Variants in PLEKHA6 observed in about 807,000 individuals in gnomAD.
PLEKHA6 encodes pleckstrin homology domain-containing family A member 6.
A neutral mutation model predicts 116.7 loss-of-function variants in PLEKHA6; 60 were observed. That is an observed-to-expected ratio of 0.51 (90% CI 0.42 to 0.64). The LOEUF is 0.64. PLEKHA6 is among the 30% of genes least tolerant of loss of function. The pLI, the probability that PLEKHA6 is intolerant of heterozygous loss-of-function variation, is 0.00. For missense variants in PLEKHA6, 1,338 were observed against 1,422.7 expected (o/e 0.94, Z 0.96); for synonymous variants, 489 against 556.1 (o/e 0.88, Z 1.70).
intron 3 of PLEKHA6, among the ~76,000 whole-genome samples, chr1:204,366,335 C>T (rs572790627): frequency 4.6e-5 from 7 of 150,942 alleles, no homozygotes; most frequent in African/African-American, 1.7e-4. Context: ...AGAACAGATA[C>T]TTTGAAAGGA....
chr1:204,335,707 C>A (rs1672623551), intron 1 of PLEKHA6, among the ~76,000 whole-genome samples: 1 of 152,000 alleles, frequency 6.6e-6, no homozygotes, highest in East Asian at 1.9e-4. Context: ...TCATGTCATT[C>A]CCTCCCCTTT....
intron 1 of PLEKHA6, among the ~76,000 whole-genome samples, chr1:204,302,079 C>A (rs1572135020): frequency 1.3e-5 from 2 of 152,182 alleles, no homozygotes; most frequent in Admixed American, 6.5e-5. Flanking sequence ...GGAGTGATAA[C>A]ATCTACATGA....
At chr1:204,267,373 G>C (rs1002301724) in intron 5 of PLEKHA6, 102 bp downstream of exon 5, 2 of 926,610 alleles carry the variant, frequency 2.2e-6, no homozygotes, top group Non-Finnish European at 3.5e-6. Context: ...GATCTGCCCT[G>C]CTGGTGCCCA....
chr1:204,331,897 G>A (rs1672467019), intron 1 of PLEKHA6, among the ~76,000 whole-genome samples: 1 of 151,306 alleles, frequency 6.6e-6, no homozygotes, highest in African/African-American at 2.4e-5. Flanking sequence ...TGCCCCGAGA[G>A]GCCCCAGTGT....
At chr1:204,255,400 C>T (rs943888686) in intron 9 of PLEKHA6, among the ~76,000 whole-genome samples, 1 of 152,172 alleles carries the variant, frequency 6.6e-6, no homozygotes, top group Admixed American at 6.5e-5. Flanking sequence ...ATTAATTATT[C>T]ATGTGCCTAC....
At chr1:204,364,044 C>G (rs1360010982), upstream of PLEKHA6, among the ~76,000 whole-genome samples, 5 of 152,192 alleles carry the variant, frequency 3.3e-5, no homozygotes, top group East Asian at 9.6e-4. Context: ...AGCTTTTTGA[C>G]ACACAATTAA....
intron 1 of PLEKHA6, chr1:204,299,495 G>T: frequency 4.3e-6 from 1 of 230,364 alleles, no homozygotes; most frequent in Non-Finnish European, 7.2e-6. Flanking sequence ...AGGGAAGGTG[G>T]CAGGGGAGGA....
chr1:204,324,114 A>G (rs4951360), intron 1 of PLEKHA6, among the ~76,000 whole-genome samples: 111,603 of 151,894 alleles, frequency 0.73, 41,516 homozygotes, highest in Middle Eastern at 0.8. Context: ...GCTATGATGA[A>G]GTGCAGTAAA....
intron 18 of PLEKHA6, 53 bp from the exon 19 acceptor site, chr1:204,229,157 G>A: frequency 2.5e-6 from 4 of 1,570,100 alleles, no homozygotes; most frequent in Admixed American, 1.7e-5. Context: ...CCTCCAGGCA[G>A]CTCTAGCTAT....
intron 9 of PLEKHA6, among the ~76,000 whole-genome samples, chr1:204,256,413 A>G (rs1665294993): frequency 6.6e-6 from 1 of 152,188 alleles, no homozygotes. Flanking sequence ...GTGGCATTCC[A>G]GGCAAAGGAC....
At chr1:204,296,680 C>A (rs537103932) in intron 1 of PLEKHA6, among the ~76,000 whole-genome samples, 1 of 152,232 alleles carries the variant, frequency 6.6e-6, no homozygotes, top group African/African-American at 2.4e-5. Flanking sequence ...CAGAAATAGT[C>A]CAGCTCCTGA....
chr1:204,377,898 T>A (rs556644814), upstream of PLEKHA6: 1 of 152,116 alleles, frequency 6.6e-6, no homozygotes, highest in Non-Finnish European at 1.5e-5. Context: ...CGCTTAACCC[T>A]GGCCGGCCGG....
At chr1:204,328,891 T>A (rs1672347633) in intron 1 of PLEKHA6, among the ~76,000 whole-genome samples, 1 of 152,234 alleles carries the variant, frequency 6.6e-6, no homozygotes, top group South Asian at 2.1e-4. Flanking sequence ...CTTATAAGGC[T>A]GGATAGAAAC....
In PLEKHA6 at chr1:204,273,655, C is replaced by T. The variant is rs767333174; in HGVS notation, c.73G>A (p.Glu25Lys). Residue 25 changes from glutamate (E) to lysine (K), a missense_variant, in exon 3 of 23, where the codon GAG (glutamate) becomes AAG (lysine). Glu to Lys is a moderately conservative substitution (Grantham distance 56). Coordinates refer to ENST00000272203, the MANE Select transcript of PLEKHA6 (RefSeq NM_014935.5). ...SDIPNHNMVS[E>K]VPPERPSVRA... ...ACGCTGGGCCGCTCTGGAGGGACCT[C>T]GGACACCATGTTGTGGTTGGGTATG... is the stretch of plus-strand genomic sequence containing the variant. 1.3e-5 allele frequency: 21 copies of T among 1,614,028 alleles called. 1 individual carries two copies. The highest frequency in any genetic ancestry group is 7.7e-5 in the South Asian group (7 of 91,088).
intron 17 of PLEKHA6, among the ~76,000 whole-genome samples, chr1:204,233,435 G>C (rs1363422473): frequency 6.7e-6 from 1 of 150,330 alleles, no homozygotes; most frequent in African/African-American, 2.5e-5. Flanking sequence ...CTGCCTCCCA[G>C]GTTCAAGCGA....
At chr1:204,271,441 A>G (rs955138662) in intron 3 of PLEKHA6, among the ~76,000 whole-genome samples, 2 of 152,232 alleles carry the variant, frequency 1.3e-5, no homozygotes, top group Non-Finnish European at 2.9e-5. Flanking sequence ...ACTGGGAAAT[A>G]ACATTATTAT....
At chr1:204,263,863 T>C (rs933021937) in intron 6 of PLEKHA6, among the ~76,000 whole-genome samples, 2 of 152,148 alleles carry the variant, frequency 1.3e-5, no homozygotes, top group Admixed American at 6.5e-5. Flanking sequence ...TTGTTCATTC[T>C]CTTCACACCT....
intron 21 of PLEKHA6, among the ~76,000 whole-genome samples, chr1:204,227,231 C>A (rs1660489124): frequency 6.6e-6 from 1 of 152,220 alleles, no homozygotes; most frequent in African/African-American, 2.4e-5. Context: ...CCAACCATGG[C>A]TCCCCCTTCT....
chr1:204,377,803 C>T (rs55921637), upstream of PLEKHA6: 4 of 151,098 alleles, frequency 2.6e-5, no homozygotes, highest in Admixed American at 6.6e-5. Flanking sequence ...GGGCTGGCGG[C>T]GTCGCTCCCG....
Sources: allele counts gnomAD v4.1 joint callset (sites outside exome capture counted in the v4.1 genomes callset), GRCh38; gene constraint gnomAD v4.1.1; transcripts MANE v1.5; gene names NCBI Gene and HGNC (gene_info 2026-07-23, HGNC 2026-07-21).